The following IQSEC1 variants were observed in gnomAD, a reference collection of about 807,000 sequenced individuals.
IQSEC1 encodes IQ motif and Sec7 domain ArfGEF 1.
A neutral mutation model predicts 91.0 loss-of-function variants in IQSEC1; 31 were observed. The observed-to-expected ratio is 0.34, with a 90% CI of 0.26 to 0.46. IQSEC1 has a LOEUF of 0.46. Ranked by LOEUF, IQSEC1 falls within the 20% of genes least tolerant of loss-of-function variation. The pLI is 1.00. For synonymous variants in IQSEC1, 699 were observed against 662.6 expected, an observed-to-expected ratio of 1.05 and a Z score of -0.84; for missense variants, 1,388 against 1,575.6, an observed-to-expected ratio of 0.88 and a Z score of 2.02.
chr3:13,252,709 A>C (rs571409554), intron 1 of IQSEC1, among the ~76,000 whole-genome samples: 2 of 138,598 alleles, frequency 1.4e-5, no homozygotes, highest in Admixed American at 7.0e-5. Flanking sequence ...CAGACTTCTT[A>C]TTATCTATGT....
intron 1 of IQSEC1, chr3:13,021,886 C>G (rs995794060): frequency 6.6e-6 from 3 of 454,126 alleles, no homozygotes; most frequent in African/African-American, 6.1e-5. Flanking sequence ...GGTCATTGTT[C>G]CACTCTCCTC....
chr3:12,946,343 C>T (rs1481873764), intron 1 of IQSEC1, among the ~76,000 whole-genome samples: 1 of 152,212 alleles, frequency 6.6e-6, no homozygotes, highest in Non-Finnish European at 1.5e-5. Flanking sequence ...TTTATTATCT[C>T]TCTCAGACAC....
chr3:12,916,704 G>A (rs965598978), intron 6 of IQSEC1, among the ~76,000 whole-genome samples: 1 of 152,190 alleles, frequency 6.6e-6, no homozygotes, highest in Non-Finnish European at 1.5e-5. Flanking sequence ...CACATACAAC[G>A]TTATCGCAGC....
chr3:13,170,763 T>C (rs1559269220), intron 1 of IQSEC1, among the ~76,000 whole-genome samples: 1 of 151,650 alleles, frequency 6.6e-6, no homozygotes, highest in Non-Finnish European at 1.5e-5. Context: ...GGTGCCAGAG[T>C]CAAACAGTAT....
Position 12,901,255 on chromosome 3 carries a change from G to A in IQSEC1, c.3073C>T (p.His1025Tyr), listed in dbSNP as rs763819248. ...TGGCAGTACTGGGTGTGATGCCCGT[G>A]CATGGCGGCCTGCGGCAGCCCCTCT... Reference protein sequence around the residue: ...PPEGLPQAAMHGHHTQYCHMQ... With the variant: ...PPEGLPQAAMYGHHTQYCHMQ... The change falls in exon 14 of 14, where the codon CAC becomes TAC. Residue 1025 changes from histidine (H) to tyrosine (Y), a missense_variant. By Grantham distance (83) the His-to-Tyr change is moderately conservative (BLOSUM62 2). Coordinates refer to ENST00000613206, the MANE Select transcript of IQSEC1 (RefSeq NM_001134382.3). 1.9e-6 allele frequency: 3 copies of A among 1,548,272 alleles called. No individual in the cohort carries two copies. The highest frequency in any genetic ancestry group is 2.8e-5 in the African/African-American group (2 of 72,366).
intron 1 of IQSEC1, among the ~76,000 whole-genome samples, chr3:13,058,498 G>A (rs929159649): frequency 8.5e-5 from 13 of 152,188 alleles, no homozygotes; most frequent in African/African-American, 2.9e-4. Flanking sequence ...GGAGCAAGCT[G>A]GGGTTCAGAG....
chr3:12,957,547 G>A (rs1699988380), intron 1 of IQSEC1, among the ~76,000 whole-genome samples: 1 of 152,232 alleles, frequency 6.6e-6, no homozygotes, highest in Admixed American at 6.5e-5. Flanking sequence ...CTCCAGCAGA[G>A]AGAGCTAGGC....
chr3:12,904,796 T>C (rs957394046), intron 12 of IQSEC1, among the ~76,000 whole-genome samples: 1 of 152,204 alleles, frequency 6.6e-6, no homozygotes, highest in Non-Finnish European at 1.5e-5. Context: ...GGCAACTCCT[T>C]CTGGCTGGCC....
At chr3:13,083,606 C>T (rs974547989) in intron 2 of IQSEC1, among the ~76,000 whole-genome samples, 1 of 152,276 alleles carries the variant, frequency 6.6e-6, no homozygotes, top group African/African-American at 2.4e-5. Context: ...GGCCTCGGGG[C>T]CTGCGTTGCA....
chr3:13,163,605 C>T (rs75990170), intron 2 of IQSEC1, among the ~76,000 whole-genome samples: 4,134 of 152,254 alleles, frequency 0.027, 196 homozygotes, highest in African/African-American at 0.095. Flanking sequence ...CCATGTCCAC[C>T]CCCACCTACC....
At chr3:13,140,362 A>T (rs1465149275) in intron 2 of IQSEC1, among the ~76,000 whole-genome samples, 1 of 152,238 alleles carries the variant, frequency 6.6e-6, no homozygotes, top group Non-Finnish European at 1.5e-5. Flanking sequence ...AGGGATTCAA[A>T]GAAGCCTGAG....
chr3:12,981,431 A>G (rs924989157), intron 1 of IQSEC1, among the ~76,000 whole-genome samples: 4 of 152,212 alleles, frequency 2.6e-5, no homozygotes, highest in East Asian at 3.8e-4. Flanking sequence ...ATCGGACACA[A>G]GAAACTAATA....
In IQSEC1 at chr3:13,090,941, CG is replaced by C. The variant is rs569088181; in HGVS notation, c.303-43420del. ...CTGTGCGGAATTTGAACCCCAGCCGCGGGGACAGCACTGGAAGACTGCACGG... is the reference window on the plus strand; with the variant it reads ...CTGTGCGGAATTTGAACCCCAGCCGCGGGACAGCACTGGAAGACTGCACGG... On this transcript the variant is annotated intron_variant, in intron 2 of 15. Transcript: ENST00000648114. Among the ~76,000 whole-genome samples the C allele has an allele frequency of 1.8e-4, 28 of 152,290 alleles. 1 individual carries two copies. The South Asian group carries it at 5.8e-3, about 32-fold the overall frequency.
At position 13,021,672 on chromosome 3, in the gene IQSEC1, G is replaced by A. The variant is rs1401276816; in HGVS notation, c.23+51320C>T. 2.0e-5 allele frequency among the ~76,000 whole-genome samples: 3 copies of A among 152,338 alleles called. No homozygotes were observed. The East Asian group carries it at 5.8e-4, about 29-fold the overall frequency. ...AGGAATCACTACACCAAGCGCTGAA[G>A]GGACGCGTGTGAGCCCCATTTCGCT... On this transcript the variant is annotated intron_variant, in intron 1 of 13. Coordinates refer to ENST00000613206, the MANE Select transcript of IQSEC1 (RefSeq NM_001134382.3).
chr3:13,067,574 A>G (rs1197694044), intron 1 of IQSEC1, among the ~76,000 whole-genome samples: 3 of 152,200 alleles, frequency 2.0e-5, no homozygotes, highest in African/African-American at 7.2e-5. Context: ...GAGATCTGGA[A>G]CCTGCTCAGG....
At chr3:13,066,212 A>C (rs1705223213) in intron 1 of IQSEC1, among the ~76,000 whole-genome samples, 2 of 152,244 alleles carry the variant, frequency 1.3e-5, no homozygotes, top group African/African-American at 4.8e-5. Context: ...TAATTAAAAA[A>C]GGCAAACATG....
At position 12,983,611 on chromosome 3, in the gene IQSEC1, C is replaced by T. The variant is rs1283563264; in HGVS notation, c.24-41746G>A. Among the ~76,000 whole-genome samples, 1 of 152,184 alleles carries T rather than the reference C, an allele frequency of 6.6e-6. No homozygotes were observed. The highest frequency in any genetic ancestry group is 1.9e-4 in the East Asian group (1 of 5,192). On this transcript the variant is annotated intron_variant, in intron 1 of 13. Coordinates refer to ENST00000613206, the MANE Select transcript of IQSEC1 (RefSeq NM_001134382.3). This position sits in a 1 kb window ranked among gnomAD's most constrained non-coding sequence, Gnocchi z 4.3. ...GTGCTGAGCCAGCCCCTGGAGCCCA[C>T]TCAGCCCCGATTCCACCTTCTTGGC...
rs753183728 is a variant in IQSEC1 at position 12,913,573 on chromosome 3, C to G, written c.2191-20G>C. ...GAGCACCTGTGTGGGAAGAGGCTGT[C>G]CTGCCACGGCCGCCCAGCTCTCCTC... On this transcript the variant is annotated intron_variant, in intron 8 of 13. Coordinates refer to ENST00000613206, the MANE Select transcript of IQSEC1 (RefSeq NM_001134382.3). 2.5e-6 allele frequency: 4 copies of G among 1,593,748 alleles called. No homozygotes were observed. The South Asian group carries it at 4.4e-5, about 18-fold the overall frequency.
At chr3:13,024,507 A>G (rs1703537444) in intron 1 of IQSEC1, among the ~76,000 whole-genome samples, 2 of 146,596 alleles carry the variant, frequency 1.4e-5, no homozygotes, top group African/African-American at 5.2e-5. Context: ...TCACCCATCC[A>G]CATATCATAC....
Sources: allele counts gnomAD v4.1 joint callset (sites outside exome capture counted in the v4.1 genomes callset), GRCh38; gene constraint gnomAD v4.1.1; non-coding constraint Gnocchi (gnomAD v3.1); transcripts MANE v1.5; gene names NCBI Gene and HGNC (gene_info 2026-07-23, HGNC 2026-07-21).